The following LIMK2 variants were observed in gnomAD, a reference collection of about 807,000 sequenced individuals.
The protein encoded by LIMK2 is LIM domain kinase 2.
LIMK2 carries 35 observed loss-of-function variants against 75.7 expected under a neutral mutation model. The observed-to-expected ratio is 0.46, with a 90% CI of 0.35 to 0.61. LIMK2 has a LOEUF of 0.61. Among genes scored for constraint, LIMK2 ranks in the 20% least tolerant of loss-of-function variants. LIMK2 has a pLI of 0.00. For synonymous variants in LIMK2, 301 were observed against 319.2 expected (o/e 0.94, Z 0.61); for missense variants, 623 against 831.0 (o/e 0.75, Z 3.08).
chr22:31,270,313 C>CA (rs2048942787), intron 11 of LIMK2, among the ~76,000 whole-genome samples: 1 of 152,144 alleles, frequency 6.6e-6, no homozygotes, highest in Non-Finnish European at 1.5e-5. Flanking sequence ...AACAGACACA[C>CA]AAGAGTCTCA....
chr22:31,213,624 G>C (rs1366075716), intron 1 of LIMK2, among the ~76,000 whole-genome samples: 1 of 152,142 alleles, frequency 6.6e-6, no homozygotes, highest in Admixed American at 6.5e-5. Context: ...ATTTTTTTAG[G>C]CTGGGCGTGG....
At chr22:31,222,372 C>CTT (rs3068235) in intron 1 of LIMK2, among the ~76,000 whole-genome samples, 1,254 of 55,262 alleles carry the variant, frequency 0.023, 214 homozygotes, top group African/African-American at 0.06. Flanking sequence ...TGCCCAGCCT[C>CTT]TTTTTTTTTT....
At chr22:31,256,738 A>T (rs1315262452) in intron 2 of LIMK2, among the ~76,000 whole-genome samples, 1 of 152,210 alleles carries the variant, frequency 6.6e-6, no homozygotes, top group Non-Finnish European at 1.5e-5. Flanking sequence ...TATCTTGCCC[A>T]AGATGATGTA....
In LIMK2 at chr22:31,236,711, C is replaced by A. The variant is rs1360949833; in HGVS notation, c.116+10892C>A. On this transcript the variant is annotated intron_variant, in intron 2 of 15. Transcript: ENST00000331728. Reference sequence around the variant, plus strand: ...GGTGGATCACTTGAGGTCAGGAGATCGAGACTAGCCTGGCCAACATGGTGA... The same window carrying A: ...GGTGGATCACTTGAGGTCAGGAGATAGAGACTAGCCTGGCCAACATGGTGA... Among the ~76,000 whole-genome samples, 4 of 149,936 alleles carry A rather than the reference C, an allele frequency of 2.7e-5. No individual in the cohort carries two copies. The South Asian group carries it at 6.3e-4, about 24-fold the overall frequency.
At chr22:31,276,593 GCGGAGCCGGCGA>G (rs2049022743) in intron 15 of LIMK2, among the ~76,000 whole-genome samples, 1 of 146,218 alleles carries the variant, frequency 6.8e-6, no homozygotes, top group African/African-American at 2.4e-5. Flanking sequence ...CGCCCTCGCC[GCGGAGCCGGCGA>G]GCTAACCTGA....
intron 1 of LIMK2, chr22:31,222,941 A>G (rs2048449350): frequency 6.6e-6 from 1 of 152,098 alleles, no homozygotes; most frequent in African/African-American, 2.4e-5. Flanking sequence ...AAGATAACTA[A>G]AAGTGCACTT....
intron 2 of LIMK2, among the ~76,000 whole-genome samples, chr22:31,252,923 G>T (rs888420663): frequency 2.0e-5 from 3 of 152,232 alleles, no homozygotes; most frequent in African/African-American, 7.2e-5. Context: ...TCCAGGTCTT[G>T]AAAGAGAAAA....
intron 1 of LIMK2, among the ~76,000 whole-genome samples, chr22:31,221,489 A>T (rs139224493): frequency 0.025 from 3,772 of 151,884 alleles, 165 homozygotes; most frequent in African/African-American, 0.08. Flanking sequence ...TAATAATAAT[A>T]ATTATTATTT....
chr22:31,271,842 G>C (rs2048960959), intron 12 of LIMK2, among the ~76,000 whole-genome samples: 1 of 152,032 alleles, frequency 6.6e-6, no homozygotes, highest in Non-Finnish European at 1.5e-5. Context: ...TCTTATCCTG[G>C]TTCTAGCCAC....
intron 15 of LIMK2, 54 bp downstream of exon 15, chr22:31,275,362 T>C: frequency 6.3e-7 from 1 of 1,584,672 alleles, no homozygotes; most frequent in Non-Finnish European, 8.6e-7. Flanking sequence ...CGTTTGCCTC[T>C]GTCTAAGGCC....
At chr22:31,214,684 A>T (rs941531590) in intron 1 of LIMK2, among the ~76,000 whole-genome samples, 2 of 152,170 alleles carry the variant, frequency 1.3e-5, no homozygotes, top group African/African-American at 4.8e-5. Context: ...GCCTGGCAAA[A>T]AAAGCTCACA....
rs73881354 is a variant in LIMK2 at position 31,231,556 on chromosome 22, G to A, written c.116+5737G>A. On this transcript the variant is annotated intron_variant, in intron 2 of 15. Transcript: ENST00000331728. ...AGGGCAGACATCTGGTTCTTCCTCT[G>A]CCCCTACAAGAGACTCCAGCCTGAC... 7.1e-3 allele frequency among the ~76,000 whole-genome samples: 1,088 copies of A among 152,276 alleles called. 12 individuals carry two copies. The highest frequency in any genetic ancestry group is 0.025 in the African/African-American group (1,053 of 41,548).
chr22:31,232,565 G>T (rs1453449484), intron 2 of LIMK2, among the ~76,000 whole-genome samples: 1 of 152,086 alleles, frequency 6.6e-6, no homozygotes, highest in African/African-American at 2.4e-5. Context: ...GCACTGTGGG[G>T]GATACGGAGT....
At chr22:31,236,351 T>C (rs1186751842) in intron 2 of LIMK2, among the ~76,000 whole-genome samples, 1 of 147,032 alleles carries the variant, frequency 6.8e-6, no homozygotes, top group Non-Finnish European at 1.5e-5. Flanking sequence ...CTTACACTTA[T>C]AATATCAGCA....
At chr22:31,220,626 C>T (rs144005628) in intron 1 of LIMK2, among the ~76,000 whole-genome samples, 2 of 152,244 alleles carry the variant, frequency 1.3e-5, no homozygotes, top group African/African-American at 4.8e-5. Context: ...CAAAATGAAA[C>T]AAACACTGCC....
At chr22:31,219,646 A>C (rs1267024765) in intron 1 of LIMK2, among the ~76,000 whole-genome samples, 1 of 152,038 alleles carries the variant, frequency 6.6e-6, no homozygotes, top group African/African-American at 2.4e-5. Flanking sequence ...ATCTCGGCTC[A>C]CTGCAAGCTC....
At chr22:31,249,091 C>T (rs778995440) in intron 2 of LIMK2, among the ~76,000 whole-genome samples, 2 of 152,118 alleles carry the variant, frequency 1.3e-5, no homozygotes, top group Admixed American at 6.6e-5. Flanking sequence ...GGGGAATAGC[C>T]CAAATAGAGT....
chr22:31,259,245 C>T lies in LIMK2; in HGVS notation c.362+15C>T. On this transcript the variant is annotated intron_variant, in intron 4 of 15. Coordinates refer to ENST00000331728, the MANE Select transcript of LIMK2 (RefSeq NM_005569.4). Reference sequence around the variant, plus strand: ...ACCCTCTACTGGTAAGATAGTGGTCCTTTGTCTATCCTCTCCCATATAAGA... The same window carrying T: ...ACCCTCTACTGGTAAGATAGTGGTCTTTTGTCTATCCTCTCCCATATAAGA... 6.7e-7 allele frequency: 1 copy of T among 1,502,902 alleles called. No individual in the cohort carries two copies. The highest frequency in any genetic ancestry group is 9.3e-7 in the Non-Finnish European group (1 of 1,079,202). The allele number at this position is 1,502,902 out of a possible 1,614,324, so 93.1% of individuals were successfully genotyped here.
At chr22:31,237,567 A>G (rs68066124) in intron 2 of LIMK2, among the ~76,000 whole-genome samples, 3,688 of 151,996 alleles carry the variant, frequency 0.024, 150 homozygotes, top group African/African-American at 0.077. Flanking sequence ...AAAAAAAAAA[A>G]AAGAAGAAAT....
Sources: allele counts gnomAD v4.1 joint callset (sites outside exome capture counted in the v4.1 genomes callset), GRCh38; gene constraint gnomAD v4.1.1; transcripts MANE v1.5; gene names NCBI Gene and HGNC (gene_info 2026-07-23, HGNC 2026-07-21).